The following MDGA2 variants were observed in gnomAD, a reference collection of about 807,000 sequenced individuals.
The protein encoded by MDGA2 is MAM domain-containing glycosylphosphatidylinositol anchor protein 2.
MDGA2 carries 40 observed loss-of-function variants against 117.8 expected under a neutral mutation model. That is an observed-to-expected ratio of 0.34 (90% CI 0.26 to 0.44). The LOEUF is 0.44. Among genes scored for constraint, MDGA2 ranks in the 20% least tolerant of loss-of-function variants. The pLI is 1.00. For missense variants in MDGA2, 1,123 were observed against 1,250.6 expected (o/e 0.90, Z 1.54); for synonymous variants, 452 against 439.0 (o/e 1.03, Z -0.37).
At chr14:47,464,386 G>C (rs1893556497) in intron 1 of MDGA2, among the ~76,000 whole-genome samples, 1 of 152,150 alleles carries the variant, frequency 6.6e-6, no homozygotes, top group Non-Finnish European at 1.5e-5. Flanking sequence ...TAGGAAGAGA[G>C]GGAGTCAAAC....
chr14:47,274,932 G>T (rs1888262701), intron 2 of MDGA2, among the ~76,000 whole-genome samples: 1 of 152,064 alleles, frequency 6.6e-6, no homozygotes, highest in Admixed American at 6.6e-5. Flanking sequence ...CTATTGAGTT[G>T]TAAGAGTTCT....
intron 3 of MDGA2, among the ~76,000 whole-genome samples, chr14:47,207,820 C>T (rs1483167181): frequency 1.3e-5 from 2 of 151,976 alleles, no homozygotes; most frequent in Non-Finnish European, 2.9e-5. Flanking sequence ...TGCCCTCTAG[C>T]AGGGTGCAGA....
intron 1 of MDGA2, among the ~76,000 whole-genome samples, chr14:47,461,032 G>GT (rs910543353): frequency 2.6e-5 from 4 of 152,012 alleles, no homozygotes; most frequent in African/African-American, 9.7e-5. Context: ...TTCAAATATT[G>GT]TTTTTTGAAA....
intron 1 of MDGA2, among the ~76,000 whole-genome samples, chr14:47,362,911 A>G (rs1891154200): frequency 6.6e-6 from 1 of 152,206 alleles, no homozygotes; most frequent in African/African-American, 2.4e-5. Flanking sequence ...ACTTAGAACT[A>G]GAAATGCTTG....
At chr14:47,173,557 T>A (rs920693426) in intron 3 of MDGA2, among the ~76,000 whole-genome samples, 1 of 152,098 alleles carries the variant, frequency 6.6e-6, no homozygotes, top group Non-Finnish European at 1.5e-5. Context: ...CTAAGCTTCA[T>A]AAGTGAAGGA....
intron 2 of MDGA2, among the ~76,000 whole-genome samples, chr14:47,285,751 G>A (rs557176888): frequency 3.3e-5 from 5 of 152,126 alleles, no homozygotes; most frequent in East Asian, 1.9e-4. Context: ...AGTACCTCAC[G>A]GACATAAGTA....
intron 8 of MDGA2, chr14:46,996,994 G>C (rs1887318960): frequency 5.3e-6 from 2 of 374,048 alleles, no homozygotes; most frequent in Non-Finnish European, 1.0e-5. Flanking sequence ...TAGCTTTACA[G>C]TGGCCAAAAA....
chr14:47,153,016 G>A (rs1458446844), intron 3 of MDGA2, among the ~76,000 whole-genome samples: 1 of 152,156 alleles, frequency 6.6e-6, no homozygotes, highest in Non-Finnish European at 1.5e-5. Context: ...CAGATATCCA[G>A]CAAAGCTAGA....
At chr14:46,992,489 G>T (rs927371335) in intron 8 of MDGA2, among the ~76,000 whole-genome samples, 1 of 152,028 alleles carries the variant, frequency 6.6e-6, no homozygotes, top group African/African-American at 2.4e-5. Context: ...ACAATGAAAT[G>T]CTTCAGAACA....
intron 1 of MDGA2, among the ~76,000 whole-genome samples, chr14:47,434,322 G>A (rs1892856117): frequency 6.6e-6 from 1 of 152,040 alleles, no homozygotes; most frequent in Admixed American, 6.6e-5. Context: ...TAGGTGTTTT[G>A]TGCTACTGAG....
At chr14:47,483,148 G>A (rs911516935) in intron 1 of MDGA2, among the ~76,000 whole-genome samples, 1 of 152,006 alleles carries the variant, frequency 6.6e-6, no homozygotes, top group Non-Finnish European at 1.5e-5. Flanking sequence ...ATCAGTTGGA[G>A]TATCTTTATT....
chr14:47,339,029 A>C (rs1404008984), intron 1 of MDGA2, among the ~76,000 whole-genome samples: 1 of 152,054 alleles, frequency 6.6e-6, no homozygotes, highest in African/African-American at 2.4e-5. Context: ...ATTTAGAAAG[A>C]AAAAAATGTG....
intron 2 of MDGA2, among the ~76,000 whole-genome samples, chr14:47,264,115 T>G (rs992337052): frequency 7.2e-5 from 11 of 152,142 alleles, no homozygotes; most frequent in African/African-American, 2.7e-4. Flanking sequence ...TAACTGCAAT[T>G]GTTTTCAAGA....
chr14:47,655,619 A>G (rs1382191033), intron 1 of MDGA2, among the ~76,000 whole-genome samples: 1 of 152,158 alleles, frequency 6.6e-6, no homozygotes, highest in African/African-American at 2.4e-5. Context: ...TCCAAAGAGA[A>G]AGACAAATTG....
At chr14:47,465,188 G>T (rs1893575496) in intron 1 of MDGA2, among the ~76,000 whole-genome samples, 1 of 152,116 alleles carries the variant, frequency 6.6e-6, no homozygotes, top group Admixed American at 6.6e-5. Context: ...AATAAAGAGG[G>T]ATTAAAGACT....
intron 2 of MDGA2, among the ~76,000 whole-genome samples, chr14:47,287,493 G>T (rs565971921): frequency 1.3e-5 from 2 of 152,036 alleles, no homozygotes; most frequent in Non-Finnish European, 2.9e-5. Flanking sequence ...ATTGTAAAGT[G>T]GTTAAATCAA....
intron 4 of MDGA2, among the ~76,000 whole-genome samples, chr14:47,137,242 G>A (rs1339946108): frequency 6.6e-6 from 1 of 152,044 alleles, no homozygotes; most frequent in East Asian, 1.9e-4. Context: ...TAAATACAAT[G>A]GTATGCACAT....
chr14:47,177,119 T>G (rs111838691), intron 3 of MDGA2, among the ~76,000 whole-genome samples: 76 of 152,276 alleles, frequency 5.0e-4, no homozygotes, highest in Admixed American at 9.1e-4. Flanking sequence ...CTCACACCAG[T>G]TAGAATGGCA....
chr14:47,180,745 AC>A (rs1396463872), intron 3 of MDGA2, among the ~76,000 whole-genome samples: 2 of 152,016 alleles, frequency 1.3e-5, no homozygotes, highest in Non-Finnish European at 2.9e-5. Flanking sequence ...ACATAGTGAA[AC>A]CCCGTCTCTA....
Sources: allele counts gnomAD v4.1 joint callset (sites outside exome capture counted in the v4.1 genomes callset), GRCh38; gene constraint gnomAD v4.1.1; transcripts MANE v1.5; gene names NCBI Gene and HGNC (gene_info 2026-07-23, HGNC 2026-07-21).